Variants in EHBP1 observed in about 807,000 individuals in gnomAD.
EHBP1 encodes the protein EH domain binding protein 1, also known as EH domain-binding protein 1.
Under a neutral mutation model 144.0 loss-of-function variants are expected in EHBP1, and 55 were observed. The ratio of observed to expected loss-of-function variants is 0.38; its 90% CI spans 0.31 to 0.48. The LOEUF (loss-of-function observed/expected upper bound fraction) is 0.48. Ranked by LOEUF, EHBP1 falls within the 20% of genes least tolerant of loss-of-function variation. The probability of loss-of-function intolerance (pLI) is 0.98; values close to 1 mark genes in which losing one functional copy is unlikely to be tolerated. For missense variants in EHBP1, 1,200 were observed against 1,364.2 expected (o/e 0.88, Z 1.90); for synonymous variants, 469 against 472.7 (o/e 0.99, Z 0.10).
chr2:63,020,444 AATG>A (rs1296224224), intron 19 of EHBP1, among the ~76,000 whole-genome samples: 6 of 151,272 alleles, frequency 4.0e-5, no homozygotes, highest in African/African-American at 1.5e-4. Flanking sequence ...TGGAGGTTGC[AATG>A]ACCCGAGATT....
intron 14 of EHBP1, among the ~76,000 whole-genome samples, chr2:62,969,792 C>A (rs1401139228): frequency 6.6e-6 from 1 of 152,068 alleles, no homozygotes; most frequent in African/African-American, 2.4e-5. Flanking sequence ...GTTAGAGAAG[C>A]AGAGATCAGG....
intron 18 of EHBP1, 99 bp downstream of exon 18, chr2:62,994,076 A>C (rs910110305): frequency 2.5e-6 from 2 of 787,822 alleles, no homozygotes; most frequent in African/African-American, 3.5e-5. Flanking sequence ...TAGGTTTTTT[A>C]AGATGTCAAT....
intron 19 of EHBP1, among the ~76,000 whole-genome samples, chr2:63,031,166 T>C (rs1391753243): frequency 6.6e-6 from 1 of 152,176 alleles, no homozygotes; most frequent in Non-Finnish European, 1.5e-5. Flanking sequence ...AATATATCTG[T>C]CACTTCTAGA....
chr2:62,854,768 G>A (rs983484762), intron 7 of EHBP1, among the ~76,000 whole-genome samples: 5 of 152,294 alleles, frequency 3.3e-5, no homozygotes, highest in African/African-American at 7.2e-5. Flanking sequence ...GCGGTGGGCC[G>A]TCTGGAGTGG....
At chr2:62,935,343 A>T (rs1012684654) in intron 10 of EHBP1, among the ~76,000 whole-genome samples, 6 of 137,932 alleles carry the variant, frequency 4.3e-5, no homozygotes, top group African/African-American at 1.0e-4. Context: ...AAAAAAAAAA[A>T]AATATATATA....
chr2:62,957,880 T>C (rs2057791618), intron 14 of EHBP1, among the ~76,000 whole-genome samples: 1 of 152,046 alleles, frequency 6.6e-6, no homozygotes, highest in African/African-American at 2.4e-5. Context: ...TCTCCTGACC[T>C]CGTGATCCGC....
chr2:62,806,278 C>G (rs2044458964), intron 5 of EHBP1, among the ~76,000 whole-genome samples: 1 of 152,158 alleles, frequency 6.6e-6, no homozygotes. Context: ...GCCACTGTGC[C>G]CAGCCAGTTA....
chr2:62,822,410 C>T (rs1463852196), intron 5 of EHBP1, among the ~76,000 whole-genome samples: 1 of 152,090 alleles, frequency 6.6e-6, no homozygotes, highest in Non-Finnish European at 1.5e-5. Flanking sequence ...TCTATTTTTT[C>T]TCCTTTCAAG....
upstream of EHBP1, among the ~76,000 whole-genome samples, chr2:62,701,469 GATTCCATTTCATT>G (rs2034279783): frequency 6.6e-6 from 1 of 152,098 alleles, no homozygotes; most frequent in Non-Finnish European, 1.5e-5. Context: ...TCTCTAACAG[GATTCCATTTCATT>G]ATTCCTCAAC....
chr2:62,770,398 A>G (rs1284028887), intron 4 of EHBP1, among the ~76,000 whole-genome samples: 1 of 152,246 alleles, frequency 6.6e-6, no homozygotes, highest in African/African-American at 2.4e-5. Context: ...GTAGCCAACA[A>G]GCATATGAAA....
intron 18 of EHBP1, among the ~76,000 whole-genome samples, chr2:62,994,644 T>C: frequency 6.6e-6 from 1 of 152,262 alleles, no homozygotes; most frequent in Middle Eastern, 3.4e-3. Flanking sequence ...CTCTCTTTAA[T>C]AGTACTACTT....
At chr2:62,756,526 T>C (rs984256795) in intron 3 of EHBP1, among the ~76,000 whole-genome samples, 6 of 152,220 alleles carry the variant, frequency 3.9e-5, no homozygotes, top group African/African-American at 1.4e-4. Context: ...CCCAGCACTT[T>C]GGGAGTCCGA....
chr2:62,723,148 G>A (rs2036398332), intron 2 of EHBP1, among the ~76,000 whole-genome samples: 1 of 152,154 alleles, frequency 6.6e-6, no homozygotes, highest in Non-Finnish European at 1.5e-5. Context: ...CGAAGAAATT[G>A]CTTTATGAAT....
intron 19 of EHBP1, among the ~76,000 whole-genome samples, chr2:63,009,215 C>T (rs943421060): frequency 1.3e-5 from 2 of 151,780 alleles, no homozygotes; most frequent in African/African-American, 4.8e-5. Flanking sequence ...CAAGAGAATA[C>T]TTTACACTGT....
At chr2:62,972,951 T>C (rs2058561026) in intron 14 of EHBP1, among the ~76,000 whole-genome samples, 1 of 152,236 alleles carries the variant, frequency 6.6e-6, no homozygotes, top group Non-Finnish European at 1.5e-5. Flanking sequence ...TTCTGATTTG[T>C]TCATTTGCAT....
chr2:63,033,568 C>A (rs1317814318), intron 19 of EHBP1, among the ~76,000 whole-genome samples: 1 of 152,006 alleles, frequency 6.6e-6, no homozygotes, highest in African/African-American at 2.4e-5. Context: ...TAAAATATAT[C>A]TTTATAGATA....
At chr2:62,981,975 G>T (rs955225298) in intron 15 of EHBP1, among the ~76,000 whole-genome samples, 1 of 152,116 alleles carries the variant, frequency 6.6e-6, no homozygotes, top group African/African-American at 2.4e-5. Flanking sequence ...TAGTCTGTTT[G>T]TGAGAACTAA....
In EHBP1 at chr2:62,845,090, C is replaced by CTT. The variant is rs374451812; in HGVS notation, c.634+13945_634+13946dup. ...CCCATGCAACACAAGAGCAGATTAT[C>CTT]TTTTTTTTTTTTTTCCTTTTAATAC... On this transcript the variant is annotated intron_variant, in intron 7 of 22. Coordinates refer to ENST00000431489, the MANE Select transcript of EHBP1 (RefSeq NM_001142616.3). 2.8e-5 allele frequency among the ~76,000 whole-genome samples: 4 copies of CTT among 144,794 alleles called. No homozygotes were observed. The East Asian group carries it at 6.0e-4, about 22-fold the overall frequency. 95.0% of individuals were successfully genotyped at this position (144,794 alleles called of 152,430 possible).
chr2:62,882,084 A>G (rs1045070816), intron 10 of EHBP1, among the ~76,000 whole-genome samples: 2 of 152,188 alleles, frequency 1.3e-5, no homozygotes, highest in African/African-American at 4.8e-5. Context: ...GTTTCTTTTG[A>G]GTAGACAAGT....
Sources: allele counts gnomAD v4.1 joint callset (sites outside exome capture counted in the v4.1 genomes callset), GRCh38; gene constraint gnomAD v4.1.1; transcripts MANE v1.5; gene names NCBI Gene and HGNC (gene_info 2026-07-23, HGNC 2026-07-21).